The following FRMD5 variants were observed in gnomAD, a reference collection of about 807,000 sequenced individuals.
FRMD5 encodes FERM domain containing 5.
A neutral mutation model predicts 69.0 loss-of-function variants in FRMD5; 20 were observed. That is an observed-to-expected ratio of 0.29 (90% CI 0.20 to 0.42). The LOEUF (loss-of-function observed/expected upper bound fraction) is 0.42, where lower values mean the gene tolerates loss of function less well. Among genes scored for constraint, FRMD5 ranks in the 10% least tolerant of loss-of-function variants. FRMD5 has a pLI of 1.00. For synonymous variants in FRMD5, 271 were observed against 260.1 expected, an observed-to-expected ratio of 1.04 and a Z score of -0.40; for missense variants, 595 against 708.6, an observed-to-expected ratio of 0.84 and a Z score of 1.82.
chr15:44,195,293 C>T, upstream of FRMD5: 1 of 487,590 alleles, frequency 2.1e-6, no homozygotes, highest in Non-Finnish European at 3.6e-6. Context: ...GCCCCAGTGC[C>T]CGTGCCCAGC....
intron 1 of FRMD5, among the ~76,000 whole-genome samples, chr15:44,002,044 C>T (rs1890237401): frequency 6.6e-6 from 1 of 152,144 alleles, no homozygotes; most frequent in South Asian, 2.1e-4. Context: ...CTCGGTTTGG[C>T]CACAGTGAGC....
intron 1 of FRMD5, among the ~76,000 whole-genome samples, chr15:44,067,619 G>T (rs1229265365): frequency 6.6e-6 from 1 of 152,114 alleles, no homozygotes; most frequent in African/African-American, 2.4e-5. Context: ...CAAGCCCCTT[G>T]AGCCTCTTTT....
At chr15:44,180,156 G>C (rs1437119477) in intron 1 of FRMD5, among the ~76,000 whole-genome samples, 1 of 151,722 alleles carries the variant, frequency 6.6e-6, no homozygotes, top group Non-Finnish European at 1.5e-5. Flanking sequence ...ACTACTCCTG[G>C]GACATTAAGT....
intron 1 of FRMD5, among the ~76,000 whole-genome samples, chr15:44,126,545 C>G (rs1234046840): frequency 6.6e-6 from 1 of 152,184 alleles, no homozygotes; most frequent in Admixed American, 6.5e-5. Context: ...ATGACATGAT[C>G]CTGCCATAAA....
intron 1 of FRMD5, among the ~76,000 whole-genome samples, chr15:44,042,943 G>T (rs954373243): frequency 6.6e-6 from 1 of 152,218 alleles, no homozygotes; most frequent in African/African-American, 2.4e-5. Context: ...TCAGGCAAGA[G>T]AAAGAAATAA....
intron 1 of FRMD5, among the ~76,000 whole-genome samples, chr15:44,149,850 A>G (rs2077415158): frequency 6.6e-6 from 1 of 152,212 alleles, no homozygotes; most frequent in Non-Finnish European, 1.5e-5. Context: ...GTATTAAAAA[A>G]TTACAGAACA....
chr15:44,011,631 T>G (rs989161644), intron 1 of FRMD5, among the ~76,000 whole-genome samples: 1 of 151,952 alleles, frequency 6.6e-6, no homozygotes, highest in South Asian at 2.1e-4. Context: ...GCTGATGCCA[T>G]GAAAGTGGAT....
At chr15:44,178,070 G>A (rs2077931025) in intron 1 of FRMD5, among the ~76,000 whole-genome samples, 1 of 152,162 alleles carries the variant, frequency 6.6e-6, no homozygotes, top group African/African-American at 2.4e-5. Context: ...GCTCATGCCT[G>A]TAATCCACTT....
intron 1 of FRMD5, among the ~76,000 whole-genome samples, chr15:44,000,200 G>T (rs1890149992): frequency 6.6e-6 from 1 of 151,412 alleles, no homozygotes; most frequent in Admixed American, 6.6e-5. Flanking sequence ...ATTGCCCAGG[G>T]TGGTCTTGAA....
chr15:44,037,486 T>G (rs1345366742), intron 1 of FRMD5, among the ~76,000 whole-genome samples: 3 of 149,150 alleles, frequency 2.0e-5, no homozygotes, highest in Non-Finnish European at 4.4e-5. Flanking sequence ...TTTTTTTTTT[T>G]GATATGGAGT....
At position 43,873,869 on chromosome 15, in the gene FRMD5, G is replaced by A. The variant is rs751456138; in HGVS notation, c.*16C>T. On this transcript the variant is annotated 3_prime_UTR_variant, in exon 14 of 14. Coordinates refer to ENST00000417257, the MANE Select transcript of FRMD5 (RefSeq NM_032892.5). ...CTTGGTCCACCTGGCTAGTTTTTGG[G>A]AGGAGTCATGCCTTCTCAGGTGTCA... 4 of 1,610,410 alleles carry A rather than the reference G, an allele frequency of 2.5e-6. No homozygotes were observed.
chr15:43,875,804 G>GTTTTTTT (rs34063043), intron 13 of FRMD5: 3,407 of 210,336 alleles, frequency 0.016, 193 homozygotes, highest in African/African-American at 0.095. Flanking sequence ...CCTGGGCCTA[G>GTTTTTTT]TTTTTTTTTT....
intron 1 of FRMD5, among the ~76,000 whole-genome samples, chr15:43,934,204 C>T (rs2089722439): frequency 6.6e-6 from 1 of 152,146 alleles, no homozygotes; most frequent in South Asian, 2.1e-4. Flanking sequence ...AGTTCCATGC[C>T]AAGGAGGCAA....
intron 1 of FRMD5, among the ~76,000 whole-genome samples, chr15:44,035,946 T>G (rs1891890048): frequency 6.6e-6 from 1 of 152,220 alleles, no homozygotes; most frequent in South Asian, 2.1e-4. Context: ...GTTATACATG[T>G]GCTCCTGACA....
At chr15:44,184,922 T>C (rs1234527562) in intron 1 of FRMD5, among the ~76,000 whole-genome samples, 1 of 152,202 alleles carries the variant, frequency 6.6e-6, no homozygotes, top group Non-Finnish European at 1.5e-5. Flanking sequence ...ATTATATCTG[T>C]CTCTTTAAAA....
rs116504210 is a variant in FRMD5 at position 43,926,853 on chromosome 15, G to C, written c.103-2544C>G. Among the ~76,000 whole-genome samples, 646 of 149,730 alleles carry C rather than the reference G, an allele frequency of 4.3e-3. 8 individuals are homozygous for C. Among genetic ancestry groups the C allele is most frequent in the African/African-American group, 0.015 (604 of 40,478 alleles). ...CTAGCTAAGACCCACTGAACCCAAT[G>C]TGTGGCTGGATTTGACCTAGGTTTC... On this transcript the variant is annotated intron_variant, in intron 1 of 13. Transcript: ENST00000417257.
At chr15:44,096,627 T>G (rs1032205136) in intron 1 of FRMD5, among the ~76,000 whole-genome samples, 1 of 152,132 alleles carries the variant, frequency 6.6e-6, no homozygotes, top group African/African-American at 2.4e-5. Context: ...GGTCTTTTAC[T>G]CCTGACCTCA....
At position 44,182,520 on chromosome 15, in the gene FRMD5, G is replaced by A. The variant is rs1278338073; in HGVS notation, c.102+12433C>T. ...AATTTTTTGTATTTTTAGTAGAGACGAGGTTTCATCATGTTAGCCAGGATG... is the reference window on the plus strand; with the variant it reads ...AATTTTTTGTATTTTTAGTAGAGACAAGGTTTCATCATGTTAGCCAGGATG... On this transcript the variant is annotated intron_variant, in intron 1 of 13. Transcript: ENST00000417257. Among the ~76,000 whole-genome samples the A allele has an allele frequency of 5.3e-5, 8 of 150,854 alleles. No individual in the cohort carries two copies. In the South Asian group the frequency reaches 6.3e-4, roughly 12 times the overall value.
chr15:44,032,250 T>G (rs748458901), intron 1 of FRMD5, among the ~76,000 whole-genome samples: 5 of 152,038 alleles, frequency 3.3e-5, no homozygotes, highest in Non-Finnish European at 7.4e-5. Context: ...ATGAAAACCC[T>G]GGAAGACAAC....
Sources: allele counts gnomAD v4.1 joint callset (sites outside exome capture counted in the v4.1 genomes callset), GRCh38; gene constraint gnomAD v4.1.1; transcripts MANE v1.5; gene names NCBI Gene and HGNC (gene_info 2026-07-23, HGNC 2026-07-21).